Variants in DLG2 observed in about 807,000 individuals in gnomAD.
DLG2 encodes disks large homolog 2.
DLG2 carries 45 observed loss-of-function variants against 132.5 expected under a neutral mutation model. The observed-to-expected ratio is 0.34, with a 90% CI of 0.27 to 0.44. The LOEUF is 0.44. Among genes scored for constraint, DLG2 ranks in the 20% least tolerant of loss-of-function variants. The pLI is 1.00. For missense variants in DLG2, 1,045 were observed against 1,196.9 expected, an observed-to-expected ratio of 0.87 and a Z score of 1.87; for synonymous variants, 424 against 419.6, an observed-to-expected ratio of 1.01 and a Z score of -0.13.
chr11:84,443,940 A>C (rs2154478703), intron 7 of DLG2, among the ~76,000 whole-genome samples: 1 of 151,190 alleles, frequency 6.6e-6, no homozygotes, highest in South Asian at 2.1e-4. Flanking sequence ...CTCTCTTCTA[A>C]GTTTATAAAT....
At chr11:85,123,357 G>C (rs892052823) in intron 5 of DLG2, among the ~76,000 whole-genome samples, 78 of 152,044 alleles carry the variant, frequency 5.1e-4, no homozygotes, top group African/African-American at 1.8e-3. Context: ...AAGGTAGGAA[G>C]ACAAATAGGG....
At chr11:84,365,986 A>G (rs1033592607) in intron 7 of DLG2, among the ~76,000 whole-genome samples, 1 of 152,118 alleles carries the variant, frequency 6.6e-6, no homozygotes, top group Admixed American at 6.6e-5. Context: ...CTCCTCGAGA[A>G]GAGCAACTCC....
intron 21 of DLG2, among the ~76,000 whole-genome samples, chr11:83,501,218 G>A (rs1431133633): frequency 3.1e-5 from 4 of 128,706 alleles, no homozygotes; most frequent in Non-Finnish European, 6.8e-5. Context: ...TTTTTTTTTG[G>A]ATATTTTCTA....
At chr11:85,220,354 G>T (rs889707637) in intron 4 of DLG2, among the ~76,000 whole-genome samples, 1 of 152,026 alleles carries the variant, frequency 6.6e-6, no homozygotes, top group Non-Finnish European at 1.5e-5. Context: ...ATATTTGGGA[G>T]AATATAGTTT....
intron 6 of DLG2, among the ~76,000 whole-genome samples, chr11:84,807,877 A>T (rs936855011): frequency 6.6e-6 from 1 of 152,218 alleles, no homozygotes; most frequent in African/African-American, 2.4e-5. Flanking sequence ...TAAAAGGACA[A>T]ATAGACAAAC....
intron 11 of DLG2, among the ~76,000 whole-genome samples, chr11:84,041,515 C>T (rs1225905142): frequency 6.6e-6 from 1 of 151,834 alleles, no homozygotes; most frequent in African/African-American, 2.4e-5. Flanking sequence ...GCATCTTGTA[C>T]TTTTAACTTG....
At chr11:84,040,128 T>A (rs2096019673) in intron 11 of DLG2, among the ~76,000 whole-genome samples, 1 of 151,260 alleles carries the variant, frequency 6.6e-6, no homozygotes, top group Non-Finnish European at 1.5e-5. Context: ...TAGCCCTTTG[T>A]CAGATGAGTA....
At chr11:84,695,892 T>G (rs2058563004) in intron 6 of DLG2, among the ~76,000 whole-genome samples, 3 of 151,516 alleles carry the variant, frequency 2.0e-5, no homozygotes, top group South Asian at 4.1e-4. Flanking sequence ...TACTGTTTAC[T>G]GAAATGTAAT....
At chr11:83,753,785 T>G (rs1005106343) in intron 18 of DLG2, among the ~76,000 whole-genome samples, 6 of 121,238 alleles carry the variant, frequency 4.9e-5, no homozygotes, top group Non-Finnish European at 8.0e-5. Context: ...CATATATATG[T>G]CATATATATG....
intron 6 of DLG2, among the ~76,000 whole-genome samples, chr11:84,990,574 G>C (rs2056985051): frequency 6.6e-6 from 1 of 151,946 alleles, no homozygotes; most frequent in Non-Finnish European, 1.5e-5. Flanking sequence ...ACATTATCCA[G>C]CCTAAAGCAT....
intron 9 of DLG2, among the ~76,000 whole-genome samples, chr11:84,129,487 T>C (rs2094323011): frequency 6.6e-6 from 1 of 152,116 alleles, no homozygotes; most frequent in South Asian, 2.1e-4. Context: ...CTGAATGTTG[T>C]ACATAATTTC....
chr11:84,640,966 A>C (rs913732387), intron 6 of DLG2, among the ~76,000 whole-genome samples: 2 of 85,852 alleles, frequency 2.3e-5, no homozygotes, highest in African/African-American at 6.8e-5. Context: ...AAAAAAAAAC[A>C]AAAAAAAAAC....
intron 7 of DLG2, among the ~76,000 whole-genome samples, chr11:84,466,151 C>T (rs1048135659): frequency 1.1e-4 from 16 of 151,124 alleles, no homozygotes; most frequent in African/African-American, 3.6e-4. Flanking sequence ...AAAACTAGAT[C>T]AGTACCTCAC....
At chr11:85,613,946 A>C (rs2081175756) in intron 2 of DLG2, among the ~76,000 whole-genome samples, 1 of 152,228 alleles carries the variant, frequency 6.6e-6, no homozygotes, top group African/African-American at 2.4e-5. Flanking sequence ...AGGAGGAATG[A>C]ACAACTCTGG....
rs1217703556 is a variant in DLG2, at chr11:84,631,018, T to TCTCTCTCA, written c.358-96288_358-96287insTGAGAGAG. On this transcript the variant is annotated intron_variant, in intron 6 of 27. Transcript: ENST00000376104. ...CTCTCTCTCTCTCTCTCTCTCTCTC[T>TCTCTCTCA]CACACACACACACACACACACACAC... 2.0e-3 allele frequency among the ~76,000 whole-genome samples: 192 copies of TCTCTCTCA among 94,292 alleles called. 2 individuals carry two copies. The highest frequency in any genetic ancestry group is 5.3e-3 in the Middle Eastern group (1 of 190). The allele number at this position is 94,292 out of a possible 152,430, so 61.9% of individuals were successfully genotyped here.
intron 13 of DLG2, 95 bp downstream of exon 13, chr11:83,965,229 G>C: frequency 7.5e-7 from 1 of 1,341,444 alleles, no homozygotes; most frequent in African/African-American, 1.5e-5. Flanking sequence ...AGTTAACCAA[G>C]AGGGAAGGTA....
chr11:84,872,997 T>A (rs1037262730), intron 6 of DLG2, among the ~76,000 whole-genome samples: 1 of 152,210 alleles, frequency 6.6e-6, no homozygotes, highest in South Asian at 2.1e-4. Flanking sequence ...TATGGAATTG[T>A]TACATCTATT....
At chr11:83,808,285 C>T (rs528674026) in intron 17 of DLG2, among the ~76,000 whole-genome samples, 1 of 152,088 alleles carries the variant, frequency 6.6e-6, no homozygotes, top group South Asian at 2.1e-4. Flanking sequence ...AACGTCAAAC[C>T]CTTTTAATAT....
intron 9 of DLG2, among the ~76,000 whole-genome samples, chr11:84,146,660 C>G (rs2095095474): frequency 6.6e-6 from 1 of 152,092 alleles, no homozygotes. Context: ...ACCTACCTGA[C>G]AACTTCAGAA....
Sources: gnomAD v4.1 joint callset for allele counts (sites outside exome capture counted in the v4.1 genomes callset) on GRCh38, gnomAD v4.1.1 for gene constraint, MANE v1.5 for transcripts, NCBI Gene and HGNC (gene_info 2026-07-23, HGNC 2026-07-21) for gene names.